Variants in IPO8 observed in about 807,000 individuals in gnomAD.
IPO8 encodes the protein importin 8, also known as importin-8.
IPO8 carries 65 observed loss-of-function variants against 141.2 expected under a neutral mutation model. That is an observed-to-expected ratio of 0.46 (90% CI 0.38 to 0.57). IPO8 has a LOEUF of 0.57. Ranked by LOEUF, IPO8 falls within the 20% of genes least tolerant of loss-of-function variation. IPO8 has a pLI of 0.00. For synonymous variants in IPO8, 411 were observed against 420.3 expected (o/e 0.98, Z 0.27); for missense variants, 980 against 1,246.8 (o/e 0.79, Z 3.22).
intron 20 of IPO8, among the ~76,000 whole-genome samples, chr12:30,646,322 CA>C (rs2136134205): frequency 6.6e-6 from 1 of 152,206 alleles, no homozygotes; most frequent in Non-Finnish European, 1.5e-5. Flanking sequence ...ATGATAAAAG[CA>C]ACAAGTTAGC....
Position 30,666,853 on chromosome 12 carries a change from C to CT in IPO8, c.1145-603dup, listed in dbSNP as rs549136582. On this transcript the variant is annotated intron_variant, in intron 10 of 24. Coordinates refer to ENST00000256079, the MANE Select transcript of IPO8 (RefSeq NM_006390.4). ...GAGAAAGCAATCCATGGATAAAGTACTCCAAGCAGGTGAAACAGCAAGTAT... is the reference window on the plus strand; with the variant it reads ...GAGAAAGCAATCCATGGATAAAGTACTTCCAAGCAGGTGAAACAGCAAGTAT... Among the ~76,000 whole-genome samples the CT allele has an allele frequency of 3.5e-3, 535 of 152,264 alleles. 1 individual carries two copies. Among genetic ancestry groups the CT allele is most frequent in the Non-Finnish European group, 5.4e-3 (368 of 68,014 alleles).
At chr12:30,673,907 T>C (rs2053084188) in intron 8 of IPO8, 83 bp downstream of exon 8, 1 of 771,776 alleles carries the variant, frequency 1.3e-6, no homozygotes, top group Admixed American at 2.1e-5. Flanking sequence ...AATTAGTATG[T>C]TTGTAACCTA....
chr12:30,660,321 C>A (rs1382520708), intron 16 of IPO8, among the ~76,000 whole-genome samples: 4 of 152,208 alleles, frequency 2.6e-5, no homozygotes, highest in Non-Finnish European at 5.9e-5. Context: ...AGTCAACTTG[C>A]ACTCACAGAA....
chr12:30,663,638 T>A lies in IPO8; in HGVS notation c.1445A>T (p.His482Leu). 1 of 1,610,296 alleles carries A rather than the reference T, an allele frequency of 6.2e-7. No individual in the cohort carries two copies. Among genetic ancestry groups the A allele is most frequent in the Non-Finnish European group, 8.5e-7 (1 of 1,179,418 alleles). ...ATGGAACTTCAAAGAACTAAATGCA[T>A]GAAGTACCCAGCAAGACTGTATTAT... ...YLRARSCWVL[H>L]AFSSLKFHNE... is the part of the protein sequence containing the mutation. Residue 482 changes from histidine (H) to leucine (L), a missense_variant, in exon 14 of 25, where the codon CAT becomes CTT. Coordinates refer to ENST00000256079, the MANE Select transcript of IPO8 (RefSeq NM_006390.4).
rs182365919 is a variant in IPO8 at position 30,675,993 on chromosome 12, C to A, written c.729+505G>T. Among the ~76,000 whole-genome samples, 468 of 151,468 alleles carry A rather than the reference C, an allele frequency of 3.1e-3. 2 individuals carry two copies. Among genetic ancestry groups the A allele is most frequent in the African/African-American group, 0.01 (428 of 41,318 alleles). On this transcript the variant is annotated intron_variant, in intron 6 of 24. Coordinates refer to ENST00000256079, the MANE Select transcript of IPO8 (RefSeq NM_006390.4). ...TTTTGAGATAGGGTCTTGCTCTGTCCCCCAAGCATAGTTTGCTGCAGCCTC... is the reference window on the plus strand; with the variant it reads ...TTTTGAGATAGGGTCTTGCTCTGTCACCCAAGCATAGTTTGCTGCAGCCTC...
intron 20 of IPO8, among the ~76,000 whole-genome samples, chr12:30,640,920 C>T (rs1261850590): frequency 3.9e-5 from 6 of 152,144 alleles, no homozygotes; most frequent in Non-Finnish European, 8.8e-5. Flanking sequence ...TTACCCTGAT[C>T]AGATCACTAC....
intron 21 of IPO8, among the ~76,000 whole-genome samples, chr12:30,638,957 C>T (rs2052540919): frequency 1.3e-5 from 2 of 152,254 alleles, no homozygotes; most frequent in South Asian, 2.1e-4. Context: ...AGATGGGAGC[C>T]ACCGCGCCCG....
chr12:30,682,548 ATAAG>A (rs1489411842), intron 3 of IPO8, among the ~76,000 whole-genome samples: 3 of 152,196 alleles, frequency 2.0e-5, no homozygotes, highest in Non-Finnish European at 4.4e-5. Flanking sequence ...GATAACATAG[ATAAG>A]TAATCATTTC....
At position 30,665,791 on chromosome 12, in the gene IPO8, C is replaced by T. The variant is rs1353320325; in HGVS notation, c.1276G>A (p.Asp426Asn). The change falls in exon 12 of 25, where the codon GAC (aspartate) becomes AAC (asparagine). Residue 426 changes from aspartate (D) to asparagine (N), a missense_variant. Physicochemically the swap from Asp to Asn is conservative, Grantham distance 23 (BLOSUM62 1). Transcript: ENST00000256079. ...AGGGCTCCATCTTTCTTCCTAGGGT[C>T]AAAGTTCGGGTCTGTCAGGATTTGA... ...CYQILTDPNF[D>N]PRKKDGALHV... 6.2e-7 allele frequency: 1 copy of T among 1,613,758 alleles called. No homozygotes were observed. The highest frequency in any genetic ancestry group is 1.7e-5 in the Admixed American group (1 of 60,002).
chr12:30,641,443 A>T (rs2052572536), intron 20 of IPO8, among the ~76,000 whole-genome samples: 2 of 151,794 alleles, frequency 1.3e-5, no homozygotes, highest in Admixed American at 1.3e-4. Flanking sequence ...ATTAGACCTT[A>T]GAACTGTGTC....
chr12:30,668,798 C>A (rs968749855), intron 10 of IPO8, among the ~76,000 whole-genome samples: 1 of 152,160 alleles, frequency 6.6e-6, no homozygotes, highest in African/African-American at 2.4e-5. Context: ...GACAAGCAAG[C>A]AAACCAAATT....
At chr12:30,662,785 T>C (rs949431348) in intron 14 of IPO8, among the ~76,000 whole-genome samples, 8 of 152,120 alleles carry the variant, frequency 5.3e-5, no homozygotes, top group African/African-American at 1.7e-4. Context: ...CACTTGGTCA[T>C]CAGAATGACT....
chr12:30,638,917 C>T (rs1367700434), intron 21 of IPO8, among the ~76,000 whole-genome samples: 3 of 152,026 alleles, frequency 2.0e-5, no homozygotes, highest in South Asian at 2.1e-4. Flanking sequence ...GTGATCCACC[C>T]GCCTCGGCCT....
In IPO8 at chr12:30,658,876, CTTTTTTTTTT is replaced by C. The variant is rs11337753; in HGVS notation, c.1882-2136_1882-2127del. On this transcript the variant is annotated intron_variant, in intron 16 of 24. Coordinates refer to ENST00000256079, the MANE Select transcript of IPO8 (RefSeq NM_006390.4). ...AGACTAGTCCAGAAGAGTATCAAGC[CTTTTTTTTTT>C]TTTTTTTTTTTGGAGACAGAGTCTC... is the stretch of plus-strand genomic sequence containing the variant. Among the ~76,000 whole-genome samples the C allele has an allele frequency of 5.5e-5, 5 of 90,188 alleles. No homozygotes were observed. The East Asian group carries it at 9.2e-4, about 17-fold the overall frequency. 59.2% of individuals were successfully genotyped at this position (90,188 alleles called of 152,430 possible). A position where few individuals can be genotyped will look rare whatever the true frequency, so the allele number is the denominator to read the frequency against.
chr12:30,655,761 T>C (rs896635279), intron 17 of IPO8, among the ~76,000 whole-genome samples: 6 of 152,246 alleles, frequency 3.9e-5, no homozygotes, highest in Admixed American at 2.0e-4. Flanking sequence ...TATTCACATA[T>C]ATTAGCAGTG....
At chr12:30,666,656 AG>A (rs1287316435) in intron 10 of IPO8, among the ~76,000 whole-genome samples, 1 of 152,236 alleles carries the variant, frequency 6.6e-6, no homozygotes, top group Non-Finnish European at 1.5e-5. Context: ...CGTGAAACAA[AG>A]AAACACATTA....
intron 21 of IPO8, 111 bp from the exon 22 acceptor site, chr12:30,637,298 T>C: frequency 1.3e-6 from 1 of 791,490 alleles, no homozygotes; most frequent in Non-Finnish European, 2.1e-6. Context: ...GTTCATCTGT[T>C]GGTATCATAC....
At chr12:30,669,766 C>CAAAA (rs11405735) in intron 9 of IPO8, among the ~76,000 whole-genome samples, 1 of 147,444 alleles carries the variant, frequency 6.8e-6, no homozygotes. Flanking sequence ...ACTCCAGCTC[C>CAAAA]AAAAAAAAAA....
intron 20 of IPO8, among the ~76,000 whole-genome samples, chr12:30,648,451 A>G (rs986038610): frequency 9.9e-5 from 15 of 152,180 alleles, no homozygotes; most frequent in Non-Finnish European, 1.9e-4. Context: ...GGAGAGGGGT[A>G]ATGACATGTT....
Sources: gnomAD v4.1 joint callset for allele counts (sites outside exome capture counted in the v4.1 genomes callset) on GRCh38, gnomAD v4.1.1 for gene constraint, MANE v1.5 for transcripts, NCBI Gene and HGNC (gene_info 2026-07-23, HGNC 2026-07-21) for gene names.